The following ADGB variants were observed in gnomAD, a reference collection of about 807,000 sequenced individuals.
ADGB encodes calpain-7-like protein.
ADGB carries 172 observed loss-of-function variants against 210.5 expected under a neutral mutation model. The observed-to-expected ratio is 0.82, with a 90% CI of 0.72 to 0.93. The LOEUF is 0.93. ADGB is among the 40% of genes least tolerant of loss of function. The pLI is 0.00. For synonymous variants in ADGB, 658 were observed against 662.7 expected (o/e 0.99, Z 0.11); for missense variants, 2,025 against 1,964.8 (o/e 1.03, Z -0.58).
chr6:146,809,337 G>C (rs566041325), intron 35 of ADGB, among the ~76,000 whole-genome samples: 1 of 152,158 alleles, frequency 6.6e-6, no homozygotes, highest in African/African-American at 2.4e-5. Flanking sequence ...CTCCTGAATA[G>C]CTGGGATTAG....
At position 146,765,826 on chromosome 6, in the gene ADGB, CA is replaced by C. The variant is rs578044893; in HGVS notation, c.3750+1733del. Among the ~76,000 whole-genome samples the C allele has an allele frequency of 1.9e-3, 289 of 150,336 alleles. 1 individual carries two copies. Among genetic ancestry groups the C allele is most frequent in the Non-Finnish European group, 3.5e-3 (234 of 67,500 alleles). ...GAGCTAAGCTATTGAAATAAAAATTCAAAAAAAGAACAGAAAAGTAACTCAA... is the reference window on the plus strand; with the variant it reads ...GAGCTAAGCTATTGAAATAAAAATTCAAAAAAGAACAGAAAAGTAACTCAA... On this transcript the variant is annotated intron_variant, in intron 28 of 35. Coordinates refer to ENST00000397944, the MANE Select transcript of ADGB (RefSeq NM_024694.4).
chr6:146,733,066 T>C (rs1397560310), intron 20 of ADGB, 54 bp from the exon 21 acceptor site: 3 of 1,330,080 alleles, frequency 2.3e-6, no homozygotes, highest in Admixed American at 6.4e-5. Context: ...TTTTAGAGCT[T>C]CTCTGGCCAG....
intron 29 of ADGB, among the ~76,000 whole-genome samples, chr6:146,779,013 CTT>C (rs1486164782): frequency 6.7e-6 from 1 of 149,392 alleles, no homozygotes; most frequent in African/African-American, 2.5e-5. Context: ...GAATAGGAAA[CTT>C]TATGGCATTT....
chr6:146,614,595 T>C (rs1780763156), intron 1 of ADGB, among the ~76,000 whole-genome samples: 1 of 152,224 alleles, frequency 6.6e-6, no homozygotes, highest in African/African-American at 2.4e-5. Context: ...TAACTGTACA[T>C]ATTTATAGGG....
intron 23 of ADGB, 141 bp downstream of exon 23, chr6:146,736,732 T>C (rs1777084893): frequency 2.0e-6 from 1 of 493,814 alleles, no homozygotes. Flanking sequence ...CACAATATTT[T>C]ATCTGAAACA....
chr6:146,731,657 C>T (rs1776989554), intron 20 of ADGB, among the ~76,000 whole-genome samples: 1 of 152,176 alleles, frequency 6.6e-6, no homozygotes, highest in Non-Finnish European at 1.5e-5. Context: ...AACCCTAATA[C>T]CTCATGATAA....
intron 13 of ADGB, among the ~76,000 whole-genome samples, chr6:146,711,480 A>G (rs1266773539): frequency 6.6e-6 from 1 of 151,484 alleles, no homozygotes; most frequent in Non-Finnish European, 1.5e-5. Context: ...TGGACTTCCT[A>G]TTTTTGGTCT....
At chr6:146,773,826 A>G (rs1397638733) in intron 29 of ADGB, among the ~76,000 whole-genome samples, 1 of 152,190 alleles carries the variant, frequency 6.6e-6, no homozygotes, top group African/African-American at 2.4e-5. Flanking sequence ...TGGTACTGGT[A>G]GTAACTGCTA....
intron 2 of ADGB, among the ~76,000 whole-genome samples, chr6:146,642,016 T>C (rs1320901097): frequency 5.3e-5 from 8 of 151,866 alleles, no homozygotes; most frequent in Non-Finnish European, 1.0e-4. Flanking sequence ...CTGACCAAGG[T>C]CTAATATCCA....
chr6:146,705,345 G>A (rs2114550025), intron 13 of ADGB, among the ~76,000 whole-genome samples: 1 of 152,126 alleles, frequency 6.6e-6, no homozygotes, highest in South Asian at 2.1e-4. Context: ...TATTTTCCTT[G>A]TCTTACTCCT....
intron 12 of ADGB, among the ~76,000 whole-genome samples, chr6:146,696,930 AC>A (rs1416883655): frequency 1.3e-5 from 2 of 152,196 alleles, no homozygotes; most frequent in African/African-American, 4.8e-5. Flanking sequence ...TTTTAGAACA[AC>A]AAAAAAGCAT....
chr6:146,760,864 C>A (rs1252524681), intron 27 of ADGB, among the ~76,000 whole-genome samples: 1 of 151,880 alleles, frequency 6.6e-6, no homozygotes, highest in Non-Finnish European at 1.5e-5. Context: ...TGTTGAGCAT[C>A]TTATGTGTGC....
intron 29 of ADGB, among the ~76,000 whole-genome samples, chr6:146,780,629 T>C (rs1777785046): frequency 6.6e-6 from 1 of 151,946 alleles, no homozygotes; most frequent in African/African-American, 2.4e-5. Context: ...GGTAAAAGGG[T>C]ACTTCATCAA....
chr6:146,813,626 T>A (rs1562309081), intron 35 of ADGB, among the ~76,000 whole-genome samples: 1 of 132,514 alleles, frequency 7.5e-6, no homozygotes, highest in Non-Finnish European at 1.7e-5. Flanking sequence ...GGAATGTCTG[T>A]TTCGCAAAAG....
chr6:146,781,986 T>C, intron 29 of ADGB, 34 bp from the exon 30 acceptor site: 1 of 1,410,066 alleles, frequency 7.1e-7, no homozygotes, highest in Non-Finnish European at 9.3e-7. Flanking sequence ...TGTTATATTA[T>C]GACTCACCAT....
intron 27 of ADGB, among the ~76,000 whole-genome samples, chr6:146,758,074 A>T (rs1308857653): frequency 6.6e-6 from 1 of 151,876 alleles, no homozygotes; most frequent in Non-Finnish European, 1.5e-5. Flanking sequence ...TTCTTCCATC[A>T]CTTGTCCTTC....
At chr6:146,803,630 T>C (rs1778164753) in intron 35 of ADGB, 6 of 1,349,570 alleles carry the variant, frequency 4.4e-6, no homozygotes, top group Non-Finnish European at 6.3e-6. Context: ...GAGATCTTTT[T>C]TTCTAGGAAG....
chr6:146,813,669 A>C (rs1456401803), intron 35 of ADGB, among the ~76,000 whole-genome samples: 1 of 152,336 alleles, frequency 6.6e-6, no homozygotes, highest in African/African-American at 2.4e-5. Context: ...AAATCAATGA[A>C]TGGATATTAA....
intron 35 of ADGB, among the ~76,000 whole-genome samples, chr6:146,811,455 A>ATT (rs1778301578): frequency 6.6e-6 from 1 of 151,658 alleles, no homozygotes; most frequent in African/African-American, 2.4e-5. Context: ...ATATATATAT[A>ATT]TTCAGGATAT....
Sources: gnomAD v4.1 joint callset for allele counts (sites outside exome capture counted in the v4.1 genomes callset) on GRCh38, gnomAD v4.1.1 for gene constraint, MANE v1.5 for transcripts, NCBI Gene and HGNC (gene_info 2026-07-23, HGNC 2026-07-21) for gene names.